Variants in PCDHGB3 observed in about 807,000 individuals in gnomAD.
The protein encoded by PCDHGB3 is protocadherin gamma subfamily B, 3.
In PCDHGB3, 40 loss-of-function variants were observed where a neutral mutation model predicts 59.2. That is an observed-to-expected ratio of 0.68 (90% CI 0.52 to 0.88). The LOEUF (loss-of-function observed/expected upper bound fraction) is 0.88, where lower values mean the gene tolerates loss of function less well. PCDHGB3 is among the 40% of genes least tolerant of loss of function. The pLI is 0.00. For synonymous variants in PCDHGB3, 581 were observed against 503.6 expected (o/e 1.15, Z -2.06); for missense variants, 1,309 against 1,187.9 (o/e 1.10, Z -1.50).
At chr5:141,449,979 C>T (rs1382206842) in intron 1 of PCDHGB3, among the ~76,000 whole-genome samples, 1 of 148,862 alleles carries the variant, frequency 6.7e-6, no homozygotes, top group Non-Finnish European at 1.5e-5. Context: ...TCCAAAATAT[C>T]ACACATTGCA....
intron 1 of PCDHGB3, chr5:141,402,997 G>C: frequency 3.7e-6 from 6 of 1,613,928 alleles, no homozygotes; most frequent in Non-Finnish European, 5.1e-6. Context: ...GATTAGTCCT[G>C]CTATGCTCGC....
chr5:141,412,416 G>A (rs897228706), intron 1 of PCDHGB3: 1 of 152,162 alleles, frequency 6.6e-6, no homozygotes, highest in Non-Finnish European at 1.5e-5. Flanking sequence ...GATAAAGTAT[G>A]TTTTACACAA....
intron 1 of PCDHGB3, among the ~76,000 whole-genome samples, chr5:141,473,907 C>T (rs552055360): frequency 2.0e-4 from 30 of 152,220 alleles, no homozygotes; most frequent in African/African-American, 7.2e-4. Context: ...ATGAAGAGGT[C>T]TTAAGAAAAC....
Position 141,489,089 on chromosome 5 carries a change from A to T in PCDHGB3, c.2416-5718A>T, listed in dbSNP as rs1214993065. The T allele has an allele frequency of 7.4e-5, 21 of 284,398 alleles. No homozygotes were observed. Among genetic ancestry groups the T allele is most frequent in the East Asian group, 1.1e-4 (2 of 17,560 alleles). The allele number at this position is 284,398 out of a possible 1,614,324, so 17.6% of individuals were successfully genotyped here. On this transcript the variant is annotated intron_variant, in intron 1 of 3. Coordinates refer to ENST00000576222, the MANE Select transcript of PCDHGB3 (RefSeq NM_018924.5). This position sits in a 1 kb window ranked among gnomAD's most constrained non-coding sequence, Gnocchi z 4.5. ...CCCTGCCCACCCCCGCCACTCGGTGACTAAGAACTGCTGCAAGCAGGCAAA... is the reference window on the plus strand; with the variant it reads ...CCCTGCCCACCCCCGCCACTCGGTGTCTAAGAACTGCTGCAAGCAGGCAAA...
rs2099388776 is a variant in PCDHGB3, at chr5:141,476,308, C to T, written c.2416-18499C>T. On this transcript the variant is annotated intron_variant, in intron 1 of 3. Coordinates refer to ENST00000576222, the MANE Select transcript of PCDHGB3 (RefSeq NM_018924.5). The surrounding 1 kb of genome is among the most constrained non-coding windows in gnomAD (Gnocchi z 7.6). ...TGGATCTCGGTAGCCTCTCAGCCCG[C>T]AGGTTCCGGGTGGTGTCTGGAGCTA... The T allele has an allele frequency of 1.2e-6, 2 of 1,613,750 alleles. No individual in the cohort carries two copies. The highest frequency in any genetic ancestry group is 2.7e-5 in the African/African-American group (2 of 74,806).
At chr5:141,464,657 T>G (rs575409062) in intron 1 of PCDHGB3, among the ~76,000 whole-genome samples, 1 of 152,312 alleles carries the variant, frequency 6.6e-6, no homozygotes, top group South Asian at 2.1e-4. Context: ...GGTAAAAAGA[T>G]ATCTCCAAAT....
rs373728953 is a variant in PCDHGB3 at position 141,491,753 on chromosome 5, C to A, written c.2416-3054C>A. The A allele has an allele frequency of 6.3e-7, 1 of 1,585,146 alleles. No homozygotes were observed. The highest frequency in any genetic ancestry group is 8.6e-7 in the Non-Finnish European group (1 of 1,166,912). On this transcript the variant is annotated intron_variant, in intron 1 of 3. Transcript: ENST00000576222. This position sits in a 1 kb window ranked among gnomAD's most constrained non-coding sequence, Gnocchi z 6.9. The stretch of plus-strand genomic sequence containing the variant: ...ACCCCTGGGGGCGGCACTGGAGAAG[C>A]CGCCCGTCCTCATAAGGGATTGAAC...
chr5:141,439,676 G>A (rs543598257), intron 1 of PCDHGB3, among the ~76,000 whole-genome samples: 27 of 152,292 alleles, frequency 1.8e-4, no homozygotes, highest in Admixed American at 1.0e-3. Flanking sequence ...GCAAATCCAA[G>A]AGCAGACCCA....
intron 1 of PCDHGB3, chr5:141,422,354 A>G: frequency 6.4e-7 from 1 of 1,557,090 alleles, no homozygotes; most frequent in Non-Finnish European, 8.6e-7. Flanking sequence ...CAAGATCAAG[A>G]TTCTGGAGAA....
In PCDHGB3 at chr5:141,431,814, T is replaced by C. The variant is rs1300319049; in HGVS notation, c.2415+59005T>C. 1 of 1,614,246 alleles carries C rather than the reference T, an allele frequency of 6.2e-7. No homozygotes were observed. Among genetic ancestry groups the C allele is most frequent in the Non-Finnish European group, 8.5e-7 (1 of 1,180,044 alleles). ...GCCCCAGAAGTGGTCCTCACCTCTC[T>C]CGCCAGCTCGGTTCCCGAAAACTCT... On this transcript the variant is annotated intron_variant, in intron 1 of 3. Coordinates refer to ENST00000576222, the MANE Select transcript of PCDHGB3 (RefSeq NM_018924.5). The surrounding 1 kb of genome is among the most constrained non-coding windows in gnomAD (Gnocchi z 4.8).
chr5:141,393,932 C>T (rs758815375), intron 1 of PCDHGB3: 1 of 1,613,916 alleles, frequency 6.2e-7, no homozygotes, highest in East Asian at 2.2e-5. Context: ...GTGTGCATGA[C>T]CAAGACTCTG....
rs35821115 is a variant in PCDHGB3, at chr5:141,460,961, ATGTG to A, written c.2416-33826_2416-33823del. 3.6e-3 allele frequency among the ~76,000 whole-genome samples: 519 copies of A among 144,600 alleles called. 3 individuals carry two copies. The highest frequency in any genetic ancestry group is 4.3e-3 in the African/African-American group (168 of 38,712). The allele number at this position is 144,600 out of a possible 152,430, so 94.9% of individuals were successfully genotyped here. A position where few individuals can be genotyped will look rare whatever the true frequency, so the allele number is the denominator to read the frequency against. ...ATATATATGTATTATGTATATATAT[ATGTG>A]TGTGTGTGTGTGTGTGTGTATATAT... On this transcript the variant is annotated intron_variant, in intron 1 of 3. Transcript: ENST00000576222.
At chr5:141,404,481 A>T in intron 1 of PCDHGB3, 1 of 1,613,836 alleles carries the variant, frequency 6.2e-7, no homozygotes, top group Non-Finnish European at 8.5e-7. Context: ...ATTAACTCAG[A>T]CACTGGTGTG....
chr5:141,508,062 C>T (rs910730855), intron 3 of PCDHGB3: 2 of 152,316 alleles, frequency 1.3e-5, no homozygotes, highest in African/African-American at 4.8e-5. Flanking sequence ...TAATCAGCCT[C>T]CTTGGGCTAC....
At chr5:141,430,638 G>A in intron 1 of PCDHGB3, 1 of 898,338 alleles carries the variant, frequency 1.1e-6, no homozygotes, top group Non-Finnish European at 1.6e-6. Flanking sequence ...CCATCCCTGG[G>A]AGTATGTGGA....
intron 1 of PCDHGB3, among the ~76,000 whole-genome samples, chr5:141,455,732 A>G (rs1056074268): frequency 6.6e-6 from 1 of 152,190 alleles, no homozygotes; most frequent in Non-Finnish European, 1.5e-5. Context: ...CTGCATTTGC[A>G]TATCAAAGGT....
intron 1 of PCDHGB3, among the ~76,000 whole-genome samples, chr5:141,425,605 A>G (rs1229246680): frequency 6.6e-6 from 1 of 152,230 alleles, no homozygotes; most frequent in Non-Finnish European, 1.5e-5. Context: ...TGCCCTATAT[A>G]GCTTTCAGTG....
intron 1 of PCDHGB3, chr5:141,374,617 C>A (rs981307720): frequency 3.7e-6 from 6 of 1,613,400 alleles, no homozygotes; most frequent in African/African-American, 1.3e-5. Flanking sequence ...ATAGTCACTT[C>A]TCAGTGGACG....
At position 141,465,659 on chromosome 5, in the gene PCDHGB3, T is replaced by C. The variant is rs184749770; in HGVS notation, c.2416-29148T>C. Among the ~76,000 whole-genome samples the C allele has an allele frequency of 3.5e-4, 53 of 152,318 alleles. 1 individual carries two copies. Among genetic ancestry groups the C allele is most frequent in the African/African-American group, 1.2e-3 (50 of 41,576 alleles). ...TGCTTTGAACATCCCAAAAAAGCGC[T>C]TGCCATGACATTTGCTCTTGACCAG... On this transcript the variant is annotated intron_variant, in intron 1 of 3. Transcript: ENST00000576222.
Sources: allele counts gnomAD v4.1 joint callset (sites outside exome capture counted in the v4.1 genomes callset), GRCh38; gene constraint gnomAD v4.1.1; non-coding constraint Gnocchi (gnomAD v3.1); transcripts MANE v1.5; gene names NCBI Gene and HGNC (gene_info 2026-07-23, HGNC 2026-07-21).